CDKN2B-AS1: variants seen among roughly 807,000 people sequenced by gnomAD.
The protein encoded by CDKN2B-AS1 is CDKN2B antisense RNA 1 (non-protein coding).
intron 1 of CDKN2B-AS1, among the ~76,000 whole-genome samples, chr9:22,044,162 G>A (rs1451820894): frequency 1.3e-5 from 2 of 151,898 alleles, no homozygotes; most frequent in African/African-American, 4.8e-5. Flanking sequence ...AGATGTTTTA[G>A]TATTTGTACT....
chr9:22,111,004 C>CT (rs1480325899), intron 4 of CDKN2B-AS1, among the ~76,000 whole-genome samples: 4 of 152,102 alleles, frequency 2.6e-5, no homozygotes, highest in Non-Finnish European at 5.9e-5. Flanking sequence ...ATGTGTGTAG[C>CT]TATAGTTTAT....
chr9:22,086,825 C>T (rs1481452427), intron 4 of CDKN2B-AS1, among the ~76,000 whole-genome samples: 2 of 152,188 alleles, frequency 1.3e-5, no homozygotes, highest in Non-Finnish European at 2.9e-5. Context: ...ACTGTATCTA[C>T]TGTGTGTATT....
At chr9:22,065,525 A>G (rs1055668562) in intron 4 of CDKN2B-AS1, 2 of 152,214 alleles carry the variant, frequency 1.3e-5, no homozygotes, top group Non-Finnish European at 2.9e-5. Flanking sequence ...ACTGTACTTG[A>G]GACGTTACAA....
At chr9:22,032,520 G>C (rs1026143805) in intron 1 of CDKN2B-AS1, among the ~76,000 whole-genome samples, 38 of 152,106 alleles carry the variant, frequency 2.5e-4, no homozygotes, top group Admixed American at 9.8e-4. Flanking sequence ...CTCAACAAAG[G>C]CTTGGCTGTT....
At chr9:22,021,929 G>A (rs1006818219) in intron 1 of CDKN2B-AS1, among the ~76,000 whole-genome samples, 1 of 152,148 alleles carries the variant, frequency 6.6e-6, no homozygotes, top group Non-Finnish European at 1.5e-5. Flanking sequence ...AGTCATTCAG[G>A]AGCAGGCGTT....
chr9:22,054,122 C>G (rs1823462137), intron 3 of CDKN2B-AS1, among the ~76,000 whole-genome samples: 1 of 152,164 alleles, frequency 6.6e-6, no homozygotes, highest in Admixed American at 6.5e-5. Context: ...TTTATACACA[C>G]TATCTCATTT....
intron 1 of CDKN2B-AS1, chr9:22,030,244 G>A (rs954477632): frequency 2.0e-5 from 3 of 152,160 alleles, no homozygotes; most frequent in Admixed American, 6.5e-5. Flanking sequence ...CTTTTTGCTT[G>A]TAGAATTATC....
chr9:22,056,772 C>G (rs913647752), intron 4 of CDKN2B-AS1, among the ~76,000 whole-genome samples: 1 of 152,174 alleles, frequency 6.6e-6, no homozygotes, highest in Non-Finnish European at 1.5e-5. Context: ...GACCTCTAAA[C>G]CAGTAATTTT....
intron 1 of CDKN2B-AS1, among the ~76,000 whole-genome samples, chr9:22,032,128 G>A (rs1033466143): frequency 1.3e-5 from 2 of 152,170 alleles, no homozygotes; most frequent in African/African-American, 4.8e-5. Context: ...GAATTCATGG[G>A]TGTTTTAAGC....
At position 22,094,278 on chromosome 9, in the gene CDKN2B-AS1, A is replaced by T. The variant is rs1370466747; in HGVS notation, n.439-32825A>T. 4.2e-5 allele frequency among the ~76,000 whole-genome samples: 6 copies of T among 143,156 alleles called. 1 individual carries two copies. The highest frequency in any genetic ancestry group is 1.8e-4 in the African/African-American group (6 of 33,630). The allele number at this position is 143,156 out of a possible 152,430, so 93.9% of individuals were successfully genotyped here. On this transcript the variant is annotated intron_variant and non_coding_transcript_variant, in intron 4 of 4. Transcript: ENST00000650946. ...TTTTCCTTCATTTCAACTTTGGCAA[A>T]TCCGACAATTATGTGTCTTGGAGTT...
At chr9:22,116,181 A>G (rs1284419757) in intron 4 of CDKN2B-AS1, among the ~76,000 whole-genome samples, 1 of 152,236 alleles carries the variant, frequency 6.6e-6, no homozygotes, top group Non-Finnish European at 1.5e-5. Flanking sequence ...TAGATTATGC[A>G]ATGTGTGATG....
chr9:22,041,425 A>G (rs528438933), intron 1 of CDKN2B-AS1, among the ~76,000 whole-genome samples: 3 of 152,172 alleles, frequency 2.0e-5, no homozygotes, highest in South Asian at 2.1e-4. Context: ...TTATTTATGG[A>G]GAAGACTTTG....
At chr9:22,025,456 G>C (rs951832862) in intron 1 of CDKN2B-AS1, among the ~76,000 whole-genome samples, 5 of 152,182 alleles carry the variant, frequency 3.3e-5, no homozygotes, top group Non-Finnish European at 7.4e-5. Context: ...CCAGGGAGTT[G>C]CTGAGTTGCT....
Position 22,006,343 on chromosome 9 carries a change from T to G in CDKN2B-AS1, n.29+11182T>G. ...AGGTGGAGCCATTTAAAGAAACACC[T>G]AATTGCAAAGTTTTCACCCAGTGCA... On this transcript the variant is annotated intron_variant and non_coding_transcript_variant, in intron 1 of 4. Transcript: ENST00000650946. The surrounding 1 kb of genome is among the most constrained non-coding windows in gnomAD (Gnocchi z 6.4). 1.3e-6 allele frequency: 2 copies of G among 1,531,110 alleles called. No individual in the cohort carries two copies. The highest frequency in any genetic ancestry group is 1.8e-6 in the Non-Finnish European group (2 of 1,132,234). 94.8% of individuals were successfully genotyped at this position (1,531,110 alleles called of 1,614,324 possible).
At chr9:22,109,076 A>C (rs1328945243) in intron 4 of CDKN2B-AS1, among the ~76,000 whole-genome samples, 1 of 152,174 alleles carries the variant, frequency 6.6e-6, no homozygotes, top group East Asian at 1.9e-4. Flanking sequence ...CACTTTCAGC[A>C]ATTTAACATT....
intron 1 of CDKN2B-AS1, among the ~76,000 whole-genome samples, chr9:22,007,647 T>C (rs1821258907): frequency 6.6e-6 from 1 of 152,198 alleles, no homozygotes; most frequent in Non-Finnish European, 1.5e-5. Context: ...CTTGTTTCAT[T>C]AATATTAGAA....
chr9:22,075,130 G>A (rs897007581), intron 4 of CDKN2B-AS1, among the ~76,000 whole-genome samples: 8 of 152,176 alleles, frequency 5.3e-5, no homozygotes, highest in Non-Finnish European at 1.0e-4. Flanking sequence ...GACTTCTGGG[G>A]AAACTCAGGC....
At chr9:22,108,172 TA>T (rs1469678466) in intron 4 of CDKN2B-AS1, among the ~76,000 whole-genome samples, 2 of 152,362 alleles carry the variant, frequency 1.3e-5, no homozygotes, top group East Asian at 3.9e-4. Flanking sequence ...CTCTGAAAAG[TA>T]ACTTTACTGT....
At chr9:22,085,072 A>G (rs1223148620) in intron 4 of CDKN2B-AS1, among the ~76,000 whole-genome samples, 1 of 152,216 alleles carries the variant, frequency 6.6e-6, no homozygotes, top group Non-Finnish European at 1.5e-5. Context: ...CAAATATGGT[A>G]ACATTCTCAT....
Sources: allele counts gnomAD v4.1 joint callset (sites outside exome capture counted in the v4.1 genomes callset), GRCh38; gene constraint gnomAD v4.1.1; non-coding constraint Gnocchi (gnomAD v3.1); transcripts MANE v1.5; gene names NCBI Gene and HGNC (gene_info 2026-07-23, HGNC 2026-07-21).